HDAC9: variants seen among roughly 807,000 people sequenced by gnomAD.
The protein encoded by HDAC9 is histone deacetylase 9.
HDAC9 carries 41 observed loss-of-function variants against 139.4 expected under a neutral mutation model. The ratio of observed to expected loss-of-function variants is 0.29; its 90% CI spans 0.23 to 0.38. The LOEUF is 0.38. Ranked by LOEUF, HDAC9 falls within the 10% of genes least tolerant of loss-of-function variation. The pLI, the probability that HDAC9 is intolerant of heterozygous loss-of-function variation, is 1.00. For missense variants in HDAC9, 1,147 were observed against 1,297.0 expected, an observed-to-expected ratio of 0.88 and a Z score of 1.78; for synonymous variants, 517 against 476.2, an observed-to-expected ratio of 1.09 and a Z score of -1.12.
chr7:18,971,798 T>A lies in HDAC9; in HGVS notation c.3023-4008T>A, dbSNP rs145232395. ...TAAAAGCCAAACTTCTAATATTTAATCTTAACTTAGCAGGATATTTTATAC... is the reference window on the plus strand; with the variant it reads ...TAAAAGCCAAACTTCTAATATTTAAACTTAACTTAGCAGGATATTTTATAC... On this transcript the variant is annotated intron_variant, in intron 24 of 25. Coordinates refer to ENST00000686413, the MANE Select transcript of HDAC9 (RefSeq NM_178425.4). Among the ~76,000 whole-genome samples the A allele has an allele frequency of 2.2e-4, 34 of 152,360 alleles. No homozygotes were observed. In the East Asian group the frequency reaches 6.4e-3, roughly 28 times the overall value.
chr7:18,138,820 G>T (rs1214246259), intron 1 of HDAC9, among the ~76,000 whole-genome samples: 1 of 152,134 alleles, frequency 6.6e-6, no homozygotes, highest in Admixed American at 6.5e-5. Context: ...TCAGGGGCAA[G>T]GATGGAATGC....
At chr7:18,416,706 T>G (rs1022371367) in intron 1 of HDAC9, among the ~76,000 whole-genome samples, 7 of 152,202 alleles carry the variant, frequency 4.6e-5, no homozygotes, top group Non-Finnish European at 7.3e-5. Context: ...TATTACCTTA[T>G]TATCTTCATA....
intron 15 of HDAC9, among the ~76,000 whole-genome samples, chr7:18,766,171 G>C (rs949897911): frequency 6.6e-6 from 1 of 152,086 alleles, no homozygotes; most frequent in African/African-American, 2.4e-5. Flanking sequence ...TTTGTACCTG[G>C]TTCTACCACT....
Position 18,753,318 on chromosome 7 carries a change from T to C in HDAC9, c.2043+4180T>C, listed in dbSNP as rs531711546. ...GGAAGATTGTGGTCAGCTGCCTCTA[T>C]AGTCTTGACAGCATCAGTGGGGCCC... On this transcript the variant is annotated intron_variant, in intron 14 of 25. Transcript: ENST00000686413. 3.4e-4 allele frequency among the ~76,000 whole-genome samples: 51 copies of C among 152,226 alleles called. No homozygotes were observed. The South Asian group carries it at 9.7e-3, about 29-fold the overall frequency.
intron 1 of HDAC9, among the ~76,000 whole-genome samples, chr7:18,445,754 ACCT>A (rs936303738): frequency 2.6e-5 from 4 of 152,202 alleles, no homozygotes; most frequent in African/African-American, 9.6e-5. Context: ...TGAATCAAAA[ACCT>A]CCTTTTATGC....
chr7:18,785,621 G>GA (rs1242415398), intron 16 of HDAC9, among the ~76,000 whole-genome samples: 2 of 152,168 alleles, frequency 1.3e-5, no homozygotes, highest in East Asian at 1.9e-4. Flanking sequence ...TACCGTGAAA[G>GA]AAAAAACATT....
intron 1 of HDAC9, among the ~76,000 whole-genome samples, chr7:18,110,109 G>C (rs1175150136): frequency 6.6e-6 from 1 of 152,136 alleles, no homozygotes; most frequent in East Asian, 1.9e-4. Context: ...TAAACTAAGT[G>C]GATGACTTTC....
At chr7:18,490,044 C>A (rs1349281817) in intron 1 of HDAC9, among the ~76,000 whole-genome samples, 3 of 152,024 alleles carry the variant, frequency 2.0e-5, no homozygotes, top group African/African-American at 7.2e-5. Context: ...TCTTACCTAG[C>A]CTTACCTAGT....
At chr7:18,883,947 CA>C (rs1212743595) in intron 22 of HDAC9, among the ~76,000 whole-genome samples, 1 of 151,820 alleles carries the variant, frequency 6.6e-6, no homozygotes, top group Non-Finnish European at 1.5e-5. Context: ...ACAATAGCTA[CA>C]AAAAGGAAAA....
At chr7:18,403,976 G>A (rs1200901199) in intron 1 of HDAC9, among the ~76,000 whole-genome samples, 2 of 152,138 alleles carry the variant, frequency 1.3e-5, no homozygotes, top group South Asian at 2.1e-4. Context: ...CATGAAGAGG[G>A]GCGAGACCTT....
chr7:18,433,137 C>T (rs1283052550), intron 1 of HDAC9, among the ~76,000 whole-genome samples: 1 of 152,066 alleles, frequency 6.6e-6, no homozygotes, highest in Non-Finnish European at 1.5e-5. Flanking sequence ...TAACTAAAAA[C>T]AAAAGCCACA....
At chr7:18,264,143 A>G (rs761846663) in intron 2 of HDAC9, among the ~76,000 whole-genome samples, 7 of 152,212 alleles carry the variant, frequency 4.6e-5, no homozygotes, top group Non-Finnish European at 8.8e-5. Context: ...CAGAACATCC[A>G]CAAGGAAATA....
chr7:18,268,583 G>C (rs946338330), intron 2 of HDAC9, among the ~76,000 whole-genome samples: 2 of 152,040 alleles, frequency 1.3e-5, no homozygotes, highest in African/African-American at 4.8e-5. Context: ...AGTTTAAAGA[G>C]AAAAAGAAAC....
At chr7:18,435,417 GAA>G (rs908063743) in intron 1 of HDAC9, among the ~76,000 whole-genome samples, 1 of 151,810 alleles carries the variant, frequency 6.6e-6, no homozygotes, top group African/African-American at 2.4e-5. Context: ...GTATGAAAAA[GAA>G]AAAGTCTATG....
Position 18,231,892 on chromosome 7 carries a change from T to TATTCC in HDAC9, c.25+69547_25+69551dup, listed in dbSNP as rs537542142. Among the ~76,000 whole-genome samples the TATTCC allele has an allele frequency of 5.9e-5, 9 of 152,358 alleles. No individual in the cohort carries two copies. In the South Asian group the frequency reaches 1.9e-3, roughly 32 times the overall value. Reference sequence around the variant, plus strand: ...TCCTTTGGTACAAAGAAATCATTTGTATTCCATTGTTAAAACTGATGAAAA... The same window carrying TATTCC: ...TCCTTTGGTACAAAGAAATCATTTGTATTCCATTCCATTGTTAAAACTGATGAAAA... On this transcript the variant is annotated intron_variant, in intron 2 of 12. Transcript: ENST00000417496.
At chr7:18,687,528 A>T (rs1280494246) in intron 12 of HDAC9, among the ~76,000 whole-genome samples, 1 of 151,850 alleles carries the variant, frequency 6.6e-6, no homozygotes, top group Non-Finnish European at 1.5e-5. Context: ...CCTTCAGTGA[A>T]TTTTGCATTC....
chr7:18,589,239 C>G (rs1830286915), intron 3 of HDAC9, among the ~76,000 whole-genome samples: 1 of 152,104 alleles, frequency 6.6e-6, no homozygotes, highest in Admixed American at 6.6e-5. Context: ...AAAAAGAATG[C>G]TTCAGGCTGG....
chr7:18,442,273 G>A (rs1791854837), intron 1 of HDAC9, among the ~76,000 whole-genome samples: 1 of 152,156 alleles, frequency 6.6e-6, no homozygotes, highest in African/African-American at 2.4e-5. Flanking sequence ...TATAAGAGTG[G>A]TTGGGAAGAC....
chr7:18,374,172 G>A (rs2128705330), intron 1 of HDAC9, among the ~76,000 whole-genome samples: 1 of 147,618 alleles, frequency 6.8e-6, no homozygotes, highest in South Asian at 2.2e-4. Flanking sequence ...TGTAGTACAT[G>A]CATAAATCTA....
Sources: allele counts gnomAD v4.1 joint callset (sites outside exome capture counted in the v4.1 genomes callset), GRCh38; gene constraint gnomAD v4.1.1; transcripts MANE v1.5; gene names NCBI Gene and HGNC (gene_info 2026-07-23, HGNC 2026-07-21).